TDRD5: variants seen among roughly 807,000 people sequenced by gnomAD.
TDRD5 encodes tudor domain containing 5.
Under a neutral mutation model 120.6 loss-of-function variants are expected in TDRD5, and 41 were observed. That is an observed-to-expected ratio of 0.34 (90% confidence interval 0.26 to 0.44). TDRD5 has a LOEUF of 0.44. TDRD5 is among the 20% of genes least tolerant of loss of function. TDRD5 has a pLI of 1.00. For missense variants in TDRD5, 1,006 were observed against 1,221.2 expected (o/e 0.82, Z 2.63); for synonymous variants, 430 against 433.7 (o/e 0.99, Z 0.11).
At chr1:179,624,866 G>C (rs141680477) in intron 6 of TDRD5, among the ~76,000 whole-genome samples, 1 of 151,978 alleles carries the variant, frequency 6.6e-6, no homozygotes, top group Admixed American at 6.6e-5. Context: ...CGGGCTATTC[G>C]TAGATACTAA....
Position 179,595,697 on chromosome 1 carries a change from C to T in TDRD5, c.710C>T (p.Pro237Leu), listed in dbSNP as rs1675352987. ...SYSTGFPVAK[P>L]CFSQPTSNME... ...TCCACAGGCTTTCCGGTAGCAAAGCCATGCTTTTCACAACCCACTTCAAAC... is the reference window on the plus strand; with the variant it reads ...TCCACAGGCTTTCCGGTAGCAAAGCTATGCTTTTCACAACCCACTTCAAAC... The change falls in exon 4 of 18, where the codon CCA becomes CTA. Residue 237 changes from proline (P) to leucine (L), a missense_variant. Pro to Leu is a moderately conservative substitution (Grantham distance 98). Coordinates refer to ENST00000444136, the MANE Select transcript of TDRD5 (RefSeq NM_001199085.3). 2 of 1,613,484 alleles carry T rather than the reference C, an allele frequency of 1.2e-6. No homozygotes were observed. Among genetic ancestry groups the T allele is most frequent in the South Asian group, 2.2e-5 (2 of 90,940 alleles).
intron 17 of TDRD5, among the ~76,000 whole-genome samples, chr1:179,673,731 G>A (rs774649083): frequency 6.6e-6 from 1 of 150,894 alleles, no homozygotes; most frequent in Non-Finnish European, 1.5e-5. Flanking sequence ...GGGCAGAGGA[G>A]TGACTTTGAG....
rs761083988 is a variant in TDRD5 at position 179,595,734 on chromosome 1, G to A, written c.747G>A (p.Pro249=). ...FSQPTSNMEP[P]KQIMSMEKTS... is the part of the protein sequence containing the mutation. ...AACCCACTTCAAACATGGAACCACC[G>A]AAGCAAATAATGAGCATGGAAAAGA... Residue 249 remains proline, a synonymous_variant, in exon 4 of 18, where the codon CCG becomes CCA. Transcript: ENST00000444136. 6.8e-6 allele frequency: 11 copies of A among 1,613,716 alleles called. No homozygotes were observed. Among genetic ancestry groups the A allele is most frequent in the African/African-American group, 5.3e-5 (4 of 74,876 alleles).
intron 14 of TDRD5, among the ~76,000 whole-genome samples, chr1:179,655,965 C>T (rs765256465): frequency 1.1e-4 from 16 of 152,246 alleles, no homozygotes; most frequent in Middle Eastern, 3.4e-3. Context: ...CATTTATCTA[C>T]GGTAAATACC....
At chr1:179,680,613 G>T (rs1005861466) in intron 17 of TDRD5, among the ~76,000 whole-genome samples, 1 of 152,100 alleles carries the variant, frequency 6.6e-6, no homozygotes, top group Admixed American at 6.5e-5. Flanking sequence ...ATTTGCATTT[G>T]CAGGGCATAT....
intron 17 of TDRD5, among the ~76,000 whole-genome samples, chr1:179,684,461 G>C (rs926384060): frequency 1.8e-4 from 27 of 152,114 alleles, no homozygotes; most frequent in African/African-American, 6.3e-4. Flanking sequence ...TGGACATTTG[G>C]GTTGGTTCCA....
At chr1:179,629,980 C>CTTT (rs34963950) in intron 6 of TDRD5, among the ~76,000 whole-genome samples, 3 of 139,408 alleles carry the variant, frequency 2.2e-5, no homozygotes, top group East Asian at 2.0e-4. Context: ...TTTATTCCAA[C>CTTT]TTTTTTTTTT....
chr1:179,637,817 A>G (rs938265730), intron 9 of TDRD5, among the ~76,000 whole-genome samples: 1 of 152,184 alleles, frequency 6.6e-6, no homozygotes, highest in African/African-American at 2.4e-5. Context: ...GCCTTTGCGA[A>G]TACTGTGATT....
intron 14 of TDRD5, among the ~76,000 whole-genome samples, chr1:179,659,642 A>G (rs1679192838): frequency 6.9e-6 from 1 of 145,372 alleles, no homozygotes; most frequent in Non-Finnish European, 1.5e-5. Context: ...TACCTGTGTC[A>G]TTATATTTGA....
intron 9 of TDRD5, among the ~76,000 whole-genome samples, chr1:179,637,723 A>G (rs78212582): frequency 6.6e-6 from 1 of 151,050 alleles, no homozygotes; most frequent in East Asian, 1.9e-4. Context: ...TGGGGGAAAA[A>G]AAAAAAATAC....
chr1:179,657,702 T>A (rs2102082843), intron 14 of TDRD5, among the ~76,000 whole-genome samples: 1 of 152,282 alleles, frequency 6.6e-6, no homozygotes, highest in South Asian at 2.1e-4. Context: ...TTATTTTTGT[T>A]GTTTGTGTGG....
At chr1:179,678,564 ATTTAAACATTTATTCTTC>A (rs145138801) in intron 17 of TDRD5, among the ~76,000 whole-genome samples, 5,762 of 152,230 alleles carry the variant, frequency 0.038, 169 homozygotes, top group East Asian at 0.1. Context: ...AATCGACTAT[ATTTAAACATTTATTCTTC>A]TTTAATTTCT....
Position 179,651,073 on chromosome 1 carries a change from G to T in TDRD5, c.2001+6G>T. On this transcript the variant is annotated splice_donor_region_variant and intron_variant, in intron 12 of 17. Transcript: ENST00000444136. ...GAGAAAATATCTCTTCTAAGGTGGAGCAGTCTGGATGTATTTTGTAATATA... is the reference window on the plus strand; with the variant it reads ...GAGAAAATATCTCTTCTAAGGTGGATCAGTCTGGATGTATTTTGTAATATA... The T allele has an allele frequency of 6.2e-7, 1 of 1,613,812 alleles. No homozygotes were observed. The highest frequency in any genetic ancestry group is 8.5e-7 in the Non-Finnish European group (1 of 1,179,924).
At chr1:179,659,102 C>T (rs1317258308) in intron 14 of TDRD5, among the ~76,000 whole-genome samples, 2 of 152,064 alleles carry the variant, frequency 1.3e-5, no homozygotes, top group Admixed American at 6.5e-5. Context: ...ATAGTATGGT[C>T]TTAGAACACA....
At chr1:179,641,820 C>T (rs977895877) in intron 11 of TDRD5, among the ~76,000 whole-genome samples, 4 of 152,136 alleles carry the variant, frequency 2.6e-5, no homozygotes, top group African/African-American at 9.7e-5. Flanking sequence ...TCATCGCCTG[C>T]TTAACCGTTT....
intron 17 of TDRD5, among the ~76,000 whole-genome samples, chr1:179,683,415 C>T (rs1220604621): frequency 1.3e-5 from 2 of 152,132 alleles, no homozygotes; most frequent in Non-Finnish European, 2.9e-5. Flanking sequence ...TCCGAGCTCA[C>T]CTAAGACTTC....
At chr1:179,665,659 G>A (rs1679521108) in intron 16 of TDRD5, among the ~76,000 whole-genome samples, 1 of 152,030 alleles carries the variant, frequency 6.6e-6, no homozygotes, top group South Asian at 2.1e-4. Context: ...TTGAAGTCAG[G>A]AAATCTGAGT....
chr1:179,667,333 AT>A (rs780885302), intron 16 of TDRD5, among the ~76,000 whole-genome samples: 1 of 152,210 alleles, frequency 6.6e-6, no homozygotes, highest in Non-Finnish European at 1.5e-5. Context: ...CTTAAATCAT[AT>A]TTGTCAAGAA....
chr1:179,639,507 C>A (rs1025687541), intron 9 of TDRD5, among the ~76,000 whole-genome samples: 42 of 152,260 alleles, frequency 2.8e-4, no homozygotes, highest in African/African-American at 1.0e-3. Context: ...AGGAGAGAGG[C>A]TGCTGGATTT....
Sources: gnomAD v4.1 joint callset for allele counts (sites outside exome capture counted in the v4.1 genomes callset) on GRCh38, gnomAD v4.1.1 for gene constraint, MANE v1.5 for transcripts, NCBI Gene and HGNC (gene_info 2026-07-23, HGNC 2026-07-21) for gene names.